Variants in GSDME observed in about 807,000 individuals in gnomAD.
GSDME encodes gasdermin-E.
GSDME carries 44 observed loss-of-function variants against 47.5 expected under a neutral mutation model. The observed-to-expected ratio is 0.93, with a 90% CI of 0.73 to 1.19. The LOEUF is 1.19. GSDME is among the 50% of genes most tolerant of loss of function. The pLI, the probability that GSDME is intolerant of heterozygous loss-of-function variation, is 0.00. For synonymous variants in GSDME, 258 were observed against 252.8 expected (o/e 1.02, Z -0.20); for missense variants, 663 against 604.2 (o/e 1.10, Z -1.02).
chr7:24,766,558 G>C, the GSDME span, among the ~76,000 whole-genome samples: 1 of 152,146 alleles, frequency 6.6e-6, no homozygotes, highest in East Asian at 1.9e-4. The surrounding 1 kb of genome is among the most constrained non-coding windows in gnomAD (Gnocchi z 4.2). Flanking sequence ...GTGGTGTTTG[G>C]TTTTCTGTTC....
At chr7:24,707,781 T>A (rs945738301) in intron 7 of GSDME, 12 of 490,962 alleles carry the variant, frequency 2.4e-5, no homozygotes, top group Non-Finnish European at 3.2e-5. Flanking sequence ...CATCCGCAGC[T>A]GGAAGGAGAC....
At position 24,733,003 on chromosome 7, in the gene GSDME, CAA is replaced by C. The variant is rs560393113; in HGVS notation, c.404+11557_404+11558del. ...CTCCAAGCAGCACAACATGCAGCTC[CAA>C]AAGAGATCCCTTCCTTGTGCTTGAG... On this transcript the variant is annotated intron_variant, in intron 3 of 9. Coordinates refer to ENST00000645220, the MANE Select transcript of GSDME (RefSeq NM_001127453.2). This position sits in a 1 kb window ranked among gnomAD's most constrained non-coding sequence, Gnocchi z 4.3. Among the ~76,000 whole-genome samples the C allele has an allele frequency of 1.1e-4, 16 of 152,010 alleles. No homozygotes were observed. In the South Asian group the frequency reaches 3.1e-3, roughly 30 times the overall value.
rs1218373435 is a variant in GSDME at position 24,733,331 on chromosome 7, G to A, written c.404+11231C>T. The stretch of plus-strand genomic sequence containing the variant: ...TCTGAGACATGCTGACCCAGCTGTG[G>A]TCAGGTGTGACTCGGCACTTTCACA... On this transcript the variant is annotated intron_variant, in intron 3 of 9. Coordinates refer to ENST00000645220, the MANE Select transcript of GSDME (RefSeq NM_001127453.2). The surrounding 1 kb of genome is among the most constrained non-coding windows in gnomAD (Gnocchi z 4.3). 2.6e-5 allele frequency among the ~76,000 whole-genome samples: 4 copies of A among 152,170 alleles called. No homozygotes were observed. The South Asian group carries it at 8.3e-4, about 32-fold the overall frequency.
At chr7:24,790,821 A>G in the GSDME span, among the ~76,000 whole-genome samples, 1 of 152,160 alleles carries the variant, frequency 6.6e-6, no homozygotes, top group African/African-American at 2.4e-5. The surrounding 1 kb of genome is among the most constrained non-coding windows in gnomAD (Gnocchi z 4.1). Flanking sequence ...GTTCCAGCAC[A>G]TTTATAATAA....
intron 3 of GSDME, among the ~76,000 whole-genome samples, chr7:24,720,870 G>A (rs1228444792): frequency 6.6e-6 from 1 of 151,042 alleles, no homozygotes; most frequent in African/African-American, 2.4e-5. Flanking sequence ...TTGTGCCACC[G>A]CACTCCAGCC....
intron 5 of GSDME, 149 bp from the exon 6 acceptor site, chr7:24,710,537 T>G: frequency 1.4e-6 from 1 of 729,674 alleles, no homozygotes; most frequent in Non-Finnish European, 2.4e-6. Flanking sequence ...TAAAATTCGA[T>G]CCCTACACAC....
intron 1 of GSDME, among the ~76,000 whole-genome samples, chr7:24,755,192 C>T (rs1403615911): frequency 2.6e-5 from 4 of 152,106 alleles, no homozygotes; most frequent in Non-Finnish European, 5.9e-5. Flanking sequence ...CAACATCAGG[C>T]AAGGCCAGTC....
chr7:24,787,217 C>T, the GSDME span, among the ~76,000 whole-genome samples: 1 of 152,206 alleles, frequency 6.6e-6, no homozygotes, highest in Non-Finnish European at 1.5e-5. This position sits in a 1 kb window ranked among gnomAD's most constrained non-coding sequence, Gnocchi z 5.0. Flanking sequence ...CCATGAGTCA[C>T]GCTGGCTGCC....
chr7:24,756,652 T>C lies in GSDME; in HGVS notation c.-20+744A>G, dbSNP rs1216986676. On this transcript the variant is annotated intron_variant, in intron 1 of 9. Coordinates refer to ENST00000645220, the MANE Select transcript of GSDME (RefSeq NM_001127453.2). This position sits in a 1 kb window ranked among gnomAD's most constrained non-coding sequence, Gnocchi z 4.2. ...CTGGACAGAGTAGACTCTGGAGGAGTGGGTGGTCGGTGTGTTCAGTCCACA... is the reference window on the plus strand; with the variant it reads ...CTGGACAGAGTAGACTCTGGAGGAGCGGGTGGTCGGTGTGTTCAGTCCACA... Among the ~76,000 whole-genome samples the C allele has an allele frequency of 6.6e-6, 1 of 151,760 alleles. No homozygotes were observed. Among genetic ancestry groups the C allele is most frequent in the South Asian group, 2.1e-4 (1 of 4,806 alleles).
Position 24,706,045 on chromosome 7 carries a change from C to G in GSDME, c.1183+139G>C, listed in dbSNP as rs559805364. Reference sequence around the variant, plus strand: ...TTCCCATCAGCCTCCCACCTCTTACCCTCCCTGTACCAGAAGGGAAGGACC... The same window carrying G: ...TTCCCATCAGCCTCCCACCTCTTACGCTCCCTGTACCAGAAGGGAAGGACC... On this transcript the variant is annotated intron_variant, in intron 8 of 9. Coordinates refer to ENST00000645220, the MANE Select transcript of GSDME (RefSeq NM_001127453.2). 4.6e-6 allele frequency: 5 copies of G among 1,097,868 alleles called. No homozygotes were observed. The Admixed American group carries it at 9.9e-5, about 22-fold the overall frequency. The allele number at this position is 1,097,868 out of a possible 1,614,324, so 68.0% of individuals were successfully genotyped here.
Position 24,739,360 on chromosome 7 carries a change from C to G in GSDME, c.404+5202G>C, listed in dbSNP as rs1221056387. Among the ~76,000 whole-genome samples, 4 of 152,076 alleles carry G rather than the reference C, an allele frequency of 2.6e-5. No individual in the cohort carries two copies. The East Asian group carries it at 7.7e-4, about 29-fold the overall frequency. ...CAAAAGACGACATACAAATGTCAGA[C>G]AGGCATATGAAAATGTGCTCAACAT... On this transcript the variant is annotated intron_variant, in intron 3 of 9. Transcript: ENST00000645220. The surrounding 1 kb of genome is among the most constrained non-coding windows in gnomAD (Gnocchi z 5.1).
At position 24,708,110 on chromosome 7, in the gene GSDME, G is replaced by T; in HGVS notation, c.990+17C>A. 6.2e-7 allele frequency: 1 copy of T among 1,614,044 alleles called. No homozygotes were observed. The highest frequency in any genetic ancestry group is 1.1e-5 in the South Asian group (1 of 91,078). On this transcript the variant is annotated intron_variant, in intron 7 of 9. Transcript: ENST00000645220. ...AACCCCAGTGAAAACACTGCCTTGA[G>T]ATGTCTCAGGGCTCACCACTGGTTC...
At chr7:24,768,410 T>C in the GSDME span, among the ~76,000 whole-genome samples, 3 of 152,194 alleles carry the variant, frequency 2.0e-5, no homozygotes, top group African/African-American at 7.2e-5. The surrounding 1 kb of genome is among the most constrained non-coding windows in gnomAD (Gnocchi z 5.6). Context: ...AAAGATCAGC[T>C]GAGACCAGAC....
rs11358953 is a variant in GSDME at position 24,726,805 on chromosome 7, CAAAA to C, written c.405-7591_405-7588del. 5.1e-4 allele frequency among the ~76,000 whole-genome samples: 49 copies of C among 96,936 alleles called. No individual in the cohort carries two copies. Among genetic ancestry groups the C allele is most frequent in the African/African-American group, 1.5e-3 (44 of 28,752 alleles). The allele number at this position is 96,936 out of a possible 152,430, so 63.6% of individuals were successfully genotyped here. A position where few individuals can be genotyped will look rare whatever the true frequency, so the allele number is the denominator to read the frequency against. On this transcript the variant is annotated intron_variant, in intron 3 of 9. Coordinates refer to ENST00000645220, the MANE Select transcript of GSDME (RefSeq NM_001127453.2). The surrounding 1 kb of genome is among the most constrained non-coding windows in gnomAD (Gnocchi z 5.6). Reference sequence around the variant, plus strand: ...CGGGGGACAGAGCGAGACTCCGTCTCAAAAAAAAAAAAAAAAAACCAATGGCCTC... The same window carrying C: ...CGGGGGACAGAGCGAGACTCCGTCTCAAAAAAAAAAAAAACCAATGGCCTC...
chr7:24,768,322 G>C, the GSDME span, among the ~76,000 whole-genome samples: 1 of 152,158 alleles, frequency 6.6e-6, no homozygotes, highest in Non-Finnish European at 1.5e-5. The surrounding 1 kb of genome is among the most constrained non-coding windows in gnomAD (Gnocchi z 5.6). Context: ...TTTAGCATAG[G>C]GGGAGAGGGA....
rs1788929624 is a variant in GSDME at position 24,702,850 on chromosome 7, TCA to T, written c.1184-19_1184-18del. ...CTGGCATTTCTGCAGGAGAGAAAAA[TCA>T]CAGTCACAGTCCAAAAAAACAAGTC... is the stretch of plus-strand genomic sequence containing the variant. On this transcript the variant is annotated intron_variant, in intron 8 of 9. Coordinates refer to ENST00000645220, the MANE Select transcript of GSDME (RefSeq NM_001127453.2). 4.4e-6 allele frequency: 7 copies of T among 1,609,182 alleles called. No individual in the cohort carries two copies. In the African/African-American group the frequency reaches 5.3e-5, roughly 12 times the overall value.
At chr7:24,703,833 GTAGTCTCTTACCCCAAA>G (rs1788983948) in intron 8 of GSDME, 1 of 152,208 alleles carries the variant, frequency 6.6e-6, no homozygotes, top group Non-Finnish European at 1.5e-5. Flanking sequence ...AGTTTCTCAA[GTAGTCTCTTACCCCAAA>G]GCAGGAAGGT....
At chr7:24,769,989 C>T in the GSDME span, among the ~76,000 whole-genome samples, 10 of 152,268 alleles carry the variant, frequency 6.6e-5, no homozygotes, top group South Asian at 1.0e-3. Context: ...AACTCCTGCA[C>T]GGTAAGTTTG....
At chr7:24,765,861 T>C in the GSDME span, among the ~76,000 whole-genome samples, 1 of 152,302 alleles carries the variant, frequency 6.6e-6, no homozygotes, top group East Asian at 1.9e-4. Flanking sequence ...ATTATTATTG[T>C]CCCTATTTTA....
Sources: gnomAD v4.1 joint callset for allele counts (sites outside exome capture counted in the v4.1 genomes callset) on GRCh38, gnomAD v4.1.1 for gene constraint, Gnocchi (gnomAD v3.1) non-coding constraint, MANE v1.5 for transcripts, NCBI Gene and HGNC (gene_info 2026-07-23, HGNC 2026-07-21) for gene names.